The following VEZT variants were observed in gnomAD, a reference collection of about 807,000 sequenced individuals.
VEZT encodes vezatin, adherens junctions transmembrane protein.
Under a neutral mutation model 79.9 loss-of-function variants are expected in VEZT, and 39 were observed. The ratio of observed to expected loss-of-function variants is 0.49; its 90% CI spans 0.38 to 0.64. VEZT has a LOEUF of 0.64. Ranked by LOEUF, VEZT falls within the 30% of genes least tolerant of loss-of-function variation. VEZT has a pLI of 0.00. For missense variants in VEZT, 837 were observed against 893.1 expected, an observed-to-expected ratio of 0.94 and a Z score of 0.80; for synonymous variants, 325 against 327.6, an observed-to-expected ratio of 0.99 and a Z score of 0.09.
rs1170938358 is a variant in VEZT at position 95,301,525 on chromosome 12, A to G, written c.*852A>G. On this transcript the variant is annotated 3_prime_UTR_variant, in exon 12 of 12. Coordinates refer to ENST00000436874, the MANE Select transcript of VEZT (RefSeq NM_017599.4). ...CTGTCCACCATAATGAGATTCAGGAAACATCCTGTCAGCCTCCTGGAAAGC... is the reference window on the plus strand; with the variant it reads ...CTGTCCACCATAATGAGATTCAGGAGACATCCTGTCAGCCTCCTGGAAAGC... 2 of 152,188 alleles carry G rather than the reference A, an allele frequency of 1.3e-5. No individual in the cohort carries two copies. The highest frequency in any genetic ancestry group is 2.9e-5 in the Non-Finnish European group (2 of 68,030). The allele number at this position is 152,188 out of a possible 1,614,324, so 9.4% of individuals were successfully genotyped here.
intron 3 of VEZT, among the ~76,000 whole-genome samples, chr12:95,260,098 CTTTTT>C (rs56756447): frequency 4.4e-5 from 3 of 68,532 alleles, no homozygotes; most frequent in Admixed American, 1.9e-4. Context: ...TGGTTGATCA[CTTTTT>C]TTTTTTTTTT....
chr12:95,221,226 G>A (rs2057528353), intron 1 of VEZT, among the ~76,000 whole-genome samples: 3 of 152,170 alleles, frequency 2.0e-5, no homozygotes, highest in Admixed American at 2.0e-4. Context: ...CTGGATACAA[G>A]TCCTTTGTTA....
chr12:95,300,186 C>A lies in VEZT; in HGVS notation c.1853C>A (p.Pro618His). 1 of 1,536,670 alleles carries A rather than the reference C, an allele frequency of 6.5e-7. No homozygotes were observed. The highest frequency in any genetic ancestry group is 2.1e-5 in the Admixed American group (1 of 48,176). Residue 618 changes from proline to histidine, a missense_variant, in exon 12 of 12, where the codon CCT becomes CAT. Physicochemically the swap from Pro to His is moderately conservative, Grantham distance 77 (BLOSUM62 -2). Coordinates refer to ENST00000436874, the MANE Select transcript of VEZT (RefSeq NM_017599.4). ...GAAGCCGTGTTGAAATCCTTGTCTCCTGTAGACCCAGTGGAACCCATAAGT... is the reference window on the plus strand; with the variant it reads ...GAAGCCGTGTTGAAATCCTTGTCTCATGTAGACCCAGTGGAACCCATAAGT... Reference protein sequence around the residue: ...SDHAVLKSLSPVDPVEPISNS... With the variant: ...SDHAVLKSLSHVDPVEPISNS...
intron 9 of VEZT, among the ~76,000 whole-genome samples, chr12:95,288,874 A>G (rs1341070391): frequency 6.6e-6 from 1 of 152,042 alleles, no homozygotes; most frequent in African/African-American, 2.4e-5. Flanking sequence ...GCTTTTGTGT[A>G]CATTTTCTAC....
rs1436438099 is a variant in VEZT, at chr12:95,235,373, C to T, written c.37-16567C>T. Among the ~76,000 whole-genome samples the T allele has an allele frequency of 3.5e-3, 454 of 131,340 alleles. 11 individuals are homozygous for T. Among genetic ancestry groups the T allele is most frequent in the African/African-American group, 0.013 (432 of 33,190 alleles). The allele number at this position is 131,340 out of a possible 152,430, so 86.2% of individuals were successfully genotyped here. A position where few individuals can be genotyped will look rare whatever the true frequency, so the allele number is the denominator to read the frequency against. On this transcript the variant is annotated intron_variant, in intron 1 of 11. Coordinates refer to ENST00000436874, the MANE Select transcript of VEZT (RefSeq NM_017599.4). The stretch of plus-strand genomic sequence containing the variant: ...CCCAGTAGGGGCGGCCGGGCAGAGG[C>T]GCCCCTCACCTCCCGGACGGGGCGG...
In VEZT at chr12:95,233,509, C is replaced by T. The variant is rs996002616; in HGVS notation, c.36+15623C>T. Reference sequence around the variant, plus strand: ...CCGCCTCCCAGGTTCAAGTGATTCTCCCACCTCAGCCTCCCAAGTAGCTGG... The same window carrying T: ...CCGCCTCCCAGGTTCAAGTGATTCTTCCACCTCAGCCTCCCAAGTAGCTGG... On this transcript the variant is annotated intron_variant, in intron 1 of 11. Transcript: ENST00000436874. Among the ~76,000 whole-genome samples, 6 of 152,296 alleles carry T rather than the reference C, an allele frequency of 3.9e-5. No individual in the cohort carries two copies. In the South Asian group the frequency reaches 1.0e-3, roughly 26 times the overall value.
At chr12:95,247,431 A>C (rs1282229126) in intron 1 of VEZT, among the ~76,000 whole-genome samples, 1 of 152,174 alleles carries the variant, frequency 6.6e-6, no homozygotes, top group African/African-American at 2.4e-5. Flanking sequence ...CAATAAAGAG[A>C]TTTGCAAAAA....
chr12:95,294,398 C>G (rs755881896), intron 10 of VEZT, 26 bp downstream of exon 10: 1 of 1,522,290 alleles, frequency 6.6e-7, no homozygotes, highest in South Asian at 1.2e-5. Context: ...ACTGTTCTTT[C>G]CCTTGTTGGA....
intron 7 of VEZT, among the ~76,000 whole-genome samples, chr12:95,278,798 G>T (rs1010198961): frequency 6.6e-6 from 1 of 152,196 alleles, no homozygotes; most frequent in South Asian, 2.1e-4. Context: ...GCCTGGCACC[G>T]TGGCTCACGC....
intron 1 of VEZT, among the ~76,000 whole-genome samples, chr12:95,244,538 T>C (rs2061469201): frequency 6.6e-6 from 1 of 152,038 alleles, no homozygotes; most frequent in Non-Finnish European, 1.5e-5. Context: ...AACAAGTCCC[T>C]ACGTTGCATT....
At chr12:95,289,450 G>A in intron 9 of VEZT, among the ~76,000 whole-genome samples, 1 of 145,226 alleles carries the variant, frequency 6.9e-6, no homozygotes. Context: ...AAAGAAAGAT[G>A]CATCCCATTC....
At chr12:95,243,403 C>T (rs2061312558) in intron 1 of VEZT, among the ~76,000 whole-genome samples, 1 of 151,212 alleles carries the variant, frequency 6.6e-6, no homozygotes, top group Non-Finnish European at 1.5e-5. Context: ...CATCACTCAG[C>T]TTCAGCTTCA....
At chr12:95,246,581 G>A (rs757529458) in intron 1 of VEZT, among the ~76,000 whole-genome samples, 5 of 152,024 alleles carry the variant, frequency 3.3e-5, no homozygotes, top group East Asian at 1.9e-4. Context: ...AAAATGTTTC[G>A]GCCACCAGAA....
chr12:95,238,058 A>G (rs1403777062), intron 1 of VEZT, among the ~76,000 whole-genome samples: 3 of 152,192 alleles, frequency 2.0e-5, no homozygotes, highest in Non-Finnish European at 4.4e-5. Context: ...TGCAGGGTTG[A>G]GCATTTTGAA....
intron 7 of VEZT, among the ~76,000 whole-genome samples, chr12:95,281,550 A>ATTTTTT (rs35223035): frequency 6.9e-6 from 1 of 145,318 alleles, no homozygotes; most frequent in Non-Finnish European, 1.5e-5. Flanking sequence ...TGGAGTATTG[A>ATTTTTT]TTTTTTTTTT....
In VEZT at chr12:95,301,810, T is replaced by C. The variant is rs2075242833; in HGVS notation, c.*1137T>C. On this transcript the variant is annotated 3_prime_UTR_variant, in exon 12 of 12. Transcript: ENST00000436874. ...TGATGAATCTAGATTGTCTTTAGAG[T>C]AAAGAAACACATTCAAATTCCTGTA... The C allele has an allele frequency of 1.3e-5, 2 of 152,190 alleles. No individual in the cohort carries two copies. The highest frequency in any genetic ancestry group is 4.1e-4 in the South Asian group (2 of 4,826). 9.4% of individuals were successfully genotyped at this position (152,190 alleles called of 1,614,324 possible).
chr12:95,234,811 G>A (rs1462685906), intron 1 of VEZT, among the ~76,000 whole-genome samples: 2 of 152,132 alleles, frequency 1.3e-5, no homozygotes, highest in East Asian at 1.9e-4. Context: ...GCGGCCTTCC[G>A]CAGTGTTTGT....
intron 3 of VEZT, among the ~76,000 whole-genome samples, chr12:95,261,136 A>G (rs1308043788): frequency 1.3e-5 from 2 of 152,288 alleles, no homozygotes; most frequent in Non-Finnish European, 1.5e-5. Flanking sequence ...TTCTTCTCTA[A>G]AAGTGGCATA....
intron 8 of VEZT, among the ~76,000 whole-genome samples, chr12:95,282,848 T>A (rs1356857549): frequency 6.6e-6 from 1 of 152,126 alleles, no homozygotes; most frequent in Non-Finnish European, 1.5e-5. Flanking sequence ...TTATTTATAG[T>A]TTTTACTTTT....
Sources: gnomAD v4.1 joint callset for allele counts (sites outside exome capture counted in the v4.1 genomes callset) on GRCh38, gnomAD v4.1.1 for gene constraint, MANE v1.5 for transcripts, NCBI Gene and HGNC (gene_info 2026-07-23, HGNC 2026-07-21) for gene names.